ACER2: variants seen among roughly 807,000 people sequenced by gnomAD.
The protein encoded by ACER2 is alkCDase 2.
Under a neutral mutation model 34.7 loss-of-function variants are expected in ACER2, and 26 were observed. That is an observed-to-expected ratio of 0.75 (90% confidence interval 0.55 to 1.04). The LOEUF (loss-of-function observed/expected upper bound fraction) is 1.04, where lower values mean the gene tolerates loss of function less well. ACER2 is among the 50% of genes least tolerant of loss of function. The probability of loss-of-function intolerance (pLI) is 0.00; values close to 1 mark genes in which losing one functional copy is unlikely to be tolerated. For missense variants in ACER2, 352 were observed against 340.8 expected (o/e 1.03, Z -0.26); for synonymous variants, 138 against 132.1 (o/e 1.04, Z -0.31).
intron 3 of ACER2, among the ~76,000 whole-genome samples, chr9:19,432,568 GTA>G (rs66993138): frequency 0.2 from 29,273 of 149,982 alleles, 2,941 homozygotes; most frequent in South Asian, 0.29. Context: ...GTGTGTGGGT[GTA>G]TGTGTGTGTA....
chr9:19,439,337 G>C (rs1285207086), intron 4 of ACER2, among the ~76,000 whole-genome samples: 2 of 124,912 alleles, frequency 1.6e-5, no homozygotes, highest in African/African-American at 5.8e-5. Flanking sequence ...CTCTCTAAAG[G>C]GGCTTGCTTT....
chr9:19,435,650 G>A (rs1331852013), intron 4 of ACER2, among the ~76,000 whole-genome samples: 27 of 152,102 alleles, frequency 1.8e-4, no homozygotes, highest in Admixed American at 1.8e-3. Context: ...TACTCAGGAG[G>A]CTGAGGCAGG....
chr9:19,438,104 A>G (rs1394571942), intron 4 of ACER2, among the ~76,000 whole-genome samples: 2 of 152,214 alleles, frequency 1.3e-5, no homozygotes, highest in African/African-American at 2.4e-5. Flanking sequence ...ATGGGGCTAG[A>G]AAGTCCTGAG....
chr9:19,420,012 G>A (rs2132468688), intron 1 of ACER2, among the ~76,000 whole-genome samples: 1 of 152,276 alleles, frequency 6.6e-6, no homozygotes, highest in South Asian at 2.1e-4. Context: ...TGGTGGCAGA[G>A]GCAGGCATTG....
intron 4 of ACER2, among the ~76,000 whole-genome samples, chr9:19,442,990 G>T (rs941172722): frequency 6.6e-6 from 1 of 150,912 alleles, no homozygotes; most frequent in African/African-American, 2.4e-5. Context: ...ATGCCATCAT[G>T]CCCGGCTAAT....
chr9:19,446,472 G>T (rs1831368582), intron 5 of ACER2, 54 bp downstream of exon 5: 19 of 1,610,268 alleles, frequency 1.2e-5, no homozygotes, highest in Non-Finnish European at 1.6e-5. Context: ...TGCACTTGCT[G>T]TTGGGCTCTG....
intron 4 of ACER2, among the ~76,000 whole-genome samples, chr9:19,440,399 A>C (rs1309556141): frequency 6.6e-6 from 1 of 152,192 alleles, no homozygotes. Flanking sequence ...TGATGATATT[A>C]GGAGGTGGGC....
At chr9:19,427,508 A>T (rs1053694252) in intron 3 of ACER2, among the ~76,000 whole-genome samples, 30 of 152,142 alleles carry the variant, frequency 2.0e-4, no homozygotes, top group African/African-American at 6.8e-4. Flanking sequence ...GGCAGACCAG[A>T]CCAAAAAATT....
rs541769118 is a variant in ACER2, at chr9:19,430,621, G to A, written c.366-4326G>A. 4.8e-4 allele frequency among the ~76,000 whole-genome samples: 73 copies of A among 152,234 alleles called. 3 individuals are homozygous for A. The South Asian group carries it at 0.015, about 30-fold the overall frequency. On this transcript the variant is annotated intron_variant, in intron 3 of 5. Coordinates refer to ENST00000340967, the MANE Select transcript of ACER2 (RefSeq NM_001010887.3). ...CCAGCACATTCCTGTACACCTTCTG[G>A]ACTTGACGTGGGGAGGCATCTGCAG...
intron 4 of ACER2, among the ~76,000 whole-genome samples, chr9:19,442,285 T>C (rs944634760): frequency 6.6e-6 from 1 of 152,248 alleles, no homozygotes; most frequent in African/African-American, 2.4e-5. Flanking sequence ...ATTCAGACTT[T>C]TCTCTTGTAG....
At chr9:19,449,975 C>T (rs1224192586) in intron 5 of ACER2, among the ~76,000 whole-genome samples, 1 of 150,162 alleles carries the variant, frequency 6.7e-6, no homozygotes, top group East Asian at 2.0e-4. Flanking sequence ...AAACTTTGTA[C>T]AGGTACAGTG....
At chr9:19,429,935 A>T (rs547229347) in intron 3 of ACER2, among the ~76,000 whole-genome samples, 12 of 152,288 alleles carry the variant, frequency 7.9e-5, no homozygotes, top group African/African-American at 2.9e-4. Context: ...AGCTTATAGC[A>T]GTGGATCTTA....
intron 3 of ACER2, among the ~76,000 whole-genome samples, chr9:19,425,058 C>G (rs1406648335): frequency 6.6e-6 from 1 of 152,198 alleles, no homozygotes; most frequent in Non-Finnish European, 1.5e-5. Flanking sequence ...CATCACCTCT[C>G]TGTACCCAAA....
chr9:19,422,786 T>G (rs1209065100), intron 1 of ACER2, among the ~76,000 whole-genome samples: 1 of 151,674 alleles, frequency 6.6e-6, no homozygotes, highest in East Asian at 1.9e-4. Context: ...ATCCCAGAAC[T>G]TTGGGAGGCC....
At chr9:19,449,987 G>C (rs1831507429) in intron 5 of ACER2, among the ~76,000 whole-genome samples, 1 of 151,866 alleles carries the variant, frequency 6.6e-6, no homozygotes, top group Admixed American at 6.6e-5. Flanking sequence ...GGTACAGTGA[G>C]GATAAATTTT....
chr9:19,419,284 A>C (rs1367071446), intron 1 of ACER2, among the ~76,000 whole-genome samples: 6 of 152,212 alleles, frequency 3.9e-5, no homozygotes, highest in Admixed American at 3.3e-4. Flanking sequence ...GTAAATGAAA[A>C]TTGACCACAT....
rs549430281 is a variant in ACER2, at chr9:19,446,335, C to A, written c.558C>A (p.Thr186=). Residue 186 remains threonine (T), a synonymous_variant, in exon 5 of 6, where the codon ACC becomes ACA. Transcript: ENST00000340967. ...GCCTCTTCTCGGGCCTCTGGTGGAC[C>A]CTGGCCCTGTTCTGCTGGATCAGTG... ...KLGLFSGLWW[T]LALFCWISDR... The A allele has an allele frequency of 1.9e-6, 3 of 1,614,120 alleles. No homozygotes were observed. The highest frequency in any genetic ancestry group is 2.7e-5 in the African/African-American group (2 of 75,012).
intron 1 of ACER2, among the ~76,000 whole-genome samples, chr9:19,422,995 G>A (rs1246652764): frequency 7.4e-6 from 1 of 135,938 alleles, no homozygotes; most frequent in Non-Finnish European, 1.5e-5. Flanking sequence ...CTGCACCAAA[G>A]AACTCCAGCC....
intron 1 of ACER2, among the ~76,000 whole-genome samples, chr9:19,421,946 G>C (rs2132472581): frequency 6.6e-6 from 1 of 152,216 alleles, no homozygotes; most frequent in South Asian, 2.1e-4. Flanking sequence ...CTTGTTGTGA[G>C]TGTGAAATTT....
Sources: gnomAD v4.1 joint callset for allele counts (sites outside exome capture counted in the v4.1 genomes callset) on GRCh38, gnomAD v4.1.1 for gene constraint, MANE v1.5 for transcripts, NCBI Gene and HGNC (gene_info 2026-07-23, HGNC 2026-07-21) for gene names.